The following CRADD variants were observed in gnomAD, a reference collection of about 807,000 sequenced individuals.
The protein encoded by CRADD is CARD and death domain containing adaptor protein.
CRADD carries 9 observed loss-of-function variants against 15.5 expected under a neutral mutation model. The observed-to-expected ratio is 0.58, with a 90% CI of 0.35 to 1.01. The LOEUF (loss-of-function observed/expected upper bound fraction) is 1.01, where lower values mean the gene tolerates loss of function less well. Ranked by LOEUF, CRADD falls within the 50% of genes least tolerant of loss-of-function variation. The pLI is 0.02. For missense variants in CRADD, 227 were observed against 250.3 expected (o/e 0.91, Z 0.63); for synonymous variants, 118 against 107.6 (o/e 1.10, Z -0.60).
intron 2 of CRADD, among the ~76,000 whole-genome samples, chr12:93,844,353 C>T (rs866246503): frequency 1.3e-5 from 2 of 152,094 alleles, no homozygotes; most frequent in African/African-American, 4.8e-5. Flanking sequence ...ACGAACTGAA[C>T]GGGTCTCATG....
At chr12:93,755,471 C>T (rs1272010283) in intron 2 of CRADD, among the ~76,000 whole-genome samples, 1 of 152,202 alleles carries the variant, frequency 6.6e-6, no homozygotes, top group Non-Finnish European at 1.5e-5. Context: ...ATTTTCACCT[C>T]AGCCAGGCTT....
chr12:93,723,524 C>T (rs932314113), intron 2 of CRADD, among the ~76,000 whole-genome samples: 13 of 152,142 alleles, frequency 8.5e-5, no homozygotes, highest in Admixed American at 2.0e-4. Flanking sequence ...TCCCTATTCC[C>T]GACCCTGCTG....
intron 2 of CRADD, among the ~76,000 whole-genome samples, chr12:93,814,315 G>A (rs1164178909): frequency 6.6e-6 from 1 of 152,052 alleles, no homozygotes; most frequent in Non-Finnish European, 1.5e-5. Flanking sequence ...CAGTTTTTTT[G>A]TGGGGGCGGG....
At chr12:93,712,966 T>A (rs1956100205) in intron 2 of CRADD, among the ~76,000 whole-genome samples, 1 of 152,188 alleles carries the variant, frequency 6.6e-6, no homozygotes, top group African/African-American at 2.4e-5. Flanking sequence ...AGACCAGTGT[T>A]CTCTCTGTTC....
In CRADD at chr12:93,813,308, A is replaced by G. The variant is rs549675395; in HGVS notation, c.299-36662A>G. Among the ~76,000 whole-genome samples the G allele has an allele frequency of 1.6e-4, 25 of 152,216 alleles. No individual in the cohort carries two copies. The East Asian group carries it at 2.1e-3, about 13-fold the overall frequency. On this transcript the variant is annotated intron_variant, in intron 2 of 2. Coordinates refer to ENST00000332896, the MANE Select transcript of CRADD (RefSeq NM_003805.5). Reference sequence around the variant, plus strand: ...GTAATGCAGTTGTCAAGAACACGCAATAGTCTTTGGGCTTTTACAAAGCAC... The same window carrying G: ...GTAATGCAGTTGTCAAGAACACGCAGTAGTCTTTGGGCTTTTACAAAGCAC...
chr12:93,838,214 G>GTTTTTTTTTTTTTTTTTTTTTTTTT (rs66564800), intron 2 of CRADD, among the ~76,000 whole-genome samples: 2 of 130,604 alleles, frequency 1.5e-5, no homozygotes. Context: ...TCCTTTTGAG[G>GTTTTTTTTTTTTTTTTTTTTTTTTT]TTTTTTTTTT....
At chr12:93,749,531 G>C (rs1592958378) in intron 2 of CRADD, among the ~76,000 whole-genome samples, 1 of 151,228 alleles carries the variant, frequency 6.6e-6, no homozygotes, top group African/African-American at 2.4e-5. Flanking sequence ...CTTCTTCAGT[G>C]ATACTCCAGC....
chr12:93,843,077 T>C (rs1958068702), intron 2 of CRADD, among the ~76,000 whole-genome samples: 2 of 152,154 alleles, frequency 1.3e-5, no homozygotes, highest in African/African-American at 4.8e-5. Flanking sequence ...TATACCACAA[T>C]GTCTGGTGGT....
At chr12:93,770,811 C>G (rs1313848417) in intron 2 of CRADD, among the ~76,000 whole-genome samples, 1 of 152,178 alleles carries the variant, frequency 6.6e-6, no homozygotes, top group Non-Finnish European at 1.5e-5. Context: ...CAGCTTAGAA[C>G]AGCTTGTCAA....
intron 2 of CRADD, among the ~76,000 whole-genome samples, chr12:93,835,109 C>A (rs976136286): frequency 6.6e-6 from 1 of 152,174 alleles, no homozygotes; most frequent in Non-Finnish European, 1.5e-5. Flanking sequence ...ATGCATTGCA[C>A]TGACTAGATT....
At chr12:93,843,384 C>CT (rs200332416) in intron 2 of CRADD, among the ~76,000 whole-genome samples, 23,552 of 134,968 alleles carry the variant, frequency 0.17, 2,310 homozygotes, top group East Asian at 0.29. Context: ...TCTTTTTATT[C>CT]TTTTTTTTTT....
chr12:93,881,897 C>G (rs1235527436), intron 2 of CRADD, among the ~76,000 whole-genome samples: 1 of 151,100 alleles, frequency 6.6e-6, no homozygotes, highest in Admixed American at 6.6e-5. Flanking sequence ...GAGGCCGAGG[C>G]AGGCGGATCA....
intron 2 of CRADD, among the ~76,000 whole-genome samples, chr12:93,856,528 G>A (rs1958276749): frequency 6.6e-6 from 1 of 152,232 alleles, no homozygotes; most frequent in Non-Finnish European, 1.5e-5. Context: ...GCTTTTGTAA[G>A]TCCTGCCCAA....
At chr12:93,763,702 T>C (rs891192170) in intron 2 of CRADD, among the ~76,000 whole-genome samples, 1 of 152,188 alleles carries the variant, frequency 6.6e-6, no homozygotes, top group Non-Finnish European at 1.5e-5. Context: ...TCTTCTTGCT[T>C]TTTGCAGAGG....
intron 2 of CRADD, among the ~76,000 whole-genome samples, chr12:93,818,551 T>G (rs1593016233): frequency 6.6e-6 from 1 of 150,526 alleles, no homozygotes; most frequent in African/African-American, 2.5e-5. Flanking sequence ...GGGTGGGAGG[T>G]GGGGAGGAAC....
chr12:93,805,277 C>G lies in CRADD; in HGVS notation c.299-44693C>G, dbSNP rs531765612. ...ACCGAGAAAATATATATTTCTGAGTCTTTTTTTCTTAATATATATGTGAGA... is the reference window on the plus strand; with the variant it reads ...ACCGAGAAAATATATATTTCTGAGTGTTTTTTTCTTAATATATATGTGAGA... On this transcript the variant is annotated intron_variant, in intron 2 of 2. Coordinates refer to ENST00000332896, the MANE Select transcript of CRADD (RefSeq NM_003805.5). Among the ~76,000 whole-genome samples, 9 of 151,474 alleles carry G rather than the reference C, an allele frequency of 5.9e-5. No individual in the cohort carries two copies. The South Asian group carries it at 1.9e-3, about 32-fold the overall frequency.
At chr12:93,772,666 T>A (rs1385851244) in intron 2 of CRADD, among the ~76,000 whole-genome samples, 1 of 152,246 alleles carries the variant, frequency 6.6e-6, no homozygotes, top group Non-Finnish European at 1.5e-5. Flanking sequence ...TCTGGATTAT[T>A]TCCTAGAGCA....
chr12:93,847,558 CAGA>C (rs1853686764), intron 2 of CRADD, among the ~76,000 whole-genome samples: 1 of 115,360 alleles, frequency 8.7e-6, no homozygotes, highest in South Asian at 3.0e-4. Context: ...TGACTCAAAT[CAGA>C]AGAACAGACC....
chr12:93,699,415 G>A (rs1330467304), intron 2 of CRADD, among the ~76,000 whole-genome samples: 1 of 152,190 alleles, frequency 6.6e-6, no homozygotes, highest in Non-Finnish European at 1.5e-5. Context: ...AGCTTATCCT[G>A]TGTATTTACT....
Sources: gnomAD v4.1 joint callset for allele counts (sites outside exome capture counted in the v4.1 genomes callset) on GRCh38, gnomAD v4.1.1 for gene constraint, MANE v1.5 for transcripts, NCBI Gene and HGNC (gene_info 2026-07-23, HGNC 2026-07-21) for gene names.